ENTHD1: variants seen among roughly 807,000 people sequenced by gnomAD.
ENTHD1 encodes the protein ENTH domain-containing protein 1.
In ENTHD1, 23 loss-of-function variants were observed where a neutral mutation model predicts 39.1. The observed-to-expected ratio is 0.59, with a 90% CI of 0.42 to 0.83. The LOEUF (loss-of-function observed/expected upper bound fraction) is 0.83, where lower values mean the gene tolerates loss of function less well. ENTHD1 is among the 40% of genes least tolerant of loss of function. The pLI, the probability that ENTHD1 is intolerant of heterozygous loss-of-function variation, is 0.00. For synonymous variants in ENTHD1, 230 were observed against 258.2 expected (o/e 0.89, Z 1.05); for missense variants, 624 against 705.4 (o/e 0.88, Z 1.31).
chr22:39,773,746 T>C (rs1265079781), intron 5 of ENTHD1, among the ~76,000 whole-genome samples: 1 of 152,184 alleles, frequency 6.6e-6, no homozygotes. Flanking sequence ...AGGAGACCAA[T>C]GAAATAATTC....
At chr22:39,820,354 A>G (rs567904013) in intron 5 of ENTHD1, among the ~76,000 whole-genome samples, 1 of 152,340 alleles carries the variant, frequency 6.6e-6, no homozygotes, top group African/African-American at 2.4e-5. Context: ...GAAAGATACT[A>G]ATGAGAACGT....
intron 5 of ENTHD1, among the ~76,000 whole-genome samples, chr22:39,802,954 C>T (rs900622574): frequency 2.0e-5 from 3 of 152,206 alleles, no homozygotes; most frequent in Non-Finnish European, 4.4e-5. Flanking sequence ...TCCTCGGTCA[C>T]GGTCACTTGG....
chr22:39,796,434 AT>A (rs1209910139), intron 5 of ENTHD1, among the ~76,000 whole-genome samples: 1 of 151,632 alleles, frequency 6.6e-6, no homozygotes, highest in Admixed American at 6.6e-5. Context: ...TAATTTTTAA[AT>A]TTTTTTGTAG....
intron 6 of ENTHD1, among the ~76,000 whole-genome samples, chr22:39,755,802 C>T (rs1415783191): frequency 6.6e-6 from 1 of 152,164 alleles, no homozygotes; most frequent in African/African-American, 2.4e-5. Context: ...CCACTCTACA[C>T]ACTTCGCATT....
At chr22:39,749,748 A>AG (rs2065134143) in intron 6 of ENTHD1, among the ~76,000 whole-genome samples, 1 of 152,230 alleles carries the variant, frequency 6.6e-6, no homozygotes, top group Admixed American at 6.5e-5. Context: ...TGTAACACTG[A>AG]GGGGTCCTGT....
At chr22:39,886,473 T>C (rs1273011930) in intron 2 of ENTHD1, among the ~76,000 whole-genome samples, 3 of 152,192 alleles carry the variant, frequency 2.0e-5, no homozygotes, top group African/African-American at 4.8e-5. Context: ...AAGATGTTAT[T>C]AAGAGAAATT....
At chr22:39,755,366 AAC>A (rs1274914735) in intron 6 of ENTHD1, among the ~76,000 whole-genome samples, 4 of 152,238 alleles carry the variant, frequency 2.6e-5, no homozygotes, top group Admixed American at 2.0e-4. Context: ...GGTCAGAGGG[AAC>A]AACCGTGGTG....
At chr22:39,749,840 T>C (rs2065135297) in intron 6 of ENTHD1, among the ~76,000 whole-genome samples, 1 of 152,236 alleles carries the variant, frequency 6.6e-6, no homozygotes, top group Admixed American at 6.5e-5. Flanking sequence ...GAGCGAAGGG[T>C]TCCAGGGCTG....
intron 5 of ENTHD1, among the ~76,000 whole-genome samples, chr22:39,807,037 G>A (rs2065647345): frequency 6.6e-6 from 1 of 152,116 alleles, no homozygotes; most frequent in Non-Finnish European, 1.5e-5. Flanking sequence ...AATGTGGGAA[G>A]GAGCTTACCT....
intron 5 of ENTHD1, among the ~76,000 whole-genome samples, chr22:39,770,240 TG>T (rs1439392961): frequency 6.6e-6 from 1 of 152,188 alleles, no homozygotes; most frequent in African/African-American, 2.4e-5. Flanking sequence ...GTTAGCTTTT[TG>T]TTAGGTGCTG....
chr22:39,849,672 T>A (rs1297402858), intron 3 of ENTHD1, among the ~76,000 whole-genome samples: 1 of 152,224 alleles, frequency 6.6e-6, no homozygotes, highest in African/African-American at 2.4e-5. Context: ...ATAAATGGTA[T>A]CTTAAAAATT....
intron 4 of ENTHD1, among the ~76,000 whole-genome samples, chr22:39,824,922 T>C (rs1441689653): frequency 1.3e-5 from 2 of 152,214 alleles, no homozygotes; most frequent in African/African-American, 2.4e-5. Flanking sequence ...ATATCAATTT[T>C]AGAACAAGGT....
intron 6 of ENTHD1, among the ~76,000 whole-genome samples, chr22:39,757,243 T>C (rs928129984): frequency 1.3e-5 from 2 of 152,100 alleles, no homozygotes; most frequent in South Asian, 2.1e-4. Flanking sequence ...AATGGTACTG[T>C]TTTAATTTCA....
chr22:39,809,992 G>A (rs1330148095), intron 5 of ENTHD1, among the ~76,000 whole-genome samples: 1 of 152,146 alleles, frequency 6.6e-6, no homozygotes, highest in Non-Finnish European at 1.5e-5. Flanking sequence ...CCTACTAAGT[G>A]AGCTTAATAT....
At chr22:39,790,258 G>A (rs2146599536) in intron 5 of ENTHD1, among the ~76,000 whole-genome samples, 1 of 152,268 alleles carries the variant, frequency 6.6e-6, no homozygotes, top group East Asian at 1.9e-4. Flanking sequence ...ATGGAGCACA[G>A]GGAGAAGCAG....
At chr22:39,799,719 C>T (rs992602558) in intron 5 of ENTHD1, among the ~76,000 whole-genome samples, 6 of 152,270 alleles carry the variant, frequency 3.9e-5, no homozygotes, top group East Asian at 3.9e-4. Flanking sequence ...TCCCTTACTG[C>T]GCATGTGTTA....
intron 6 of ENTHD1, among the ~76,000 whole-genome samples, chr22:39,755,107 G>T (rs568317201): frequency 6.6e-6 from 1 of 152,208 alleles, no homozygotes; most frequent in East Asian, 1.9e-4. Flanking sequence ...CAGCAGACAC[G>T]GTCTCTTCTC....
At chr22:39,758,339 G>T (rs2065201848) in intron 6 of ENTHD1, among the ~76,000 whole-genome samples, 1 of 152,100 alleles carries the variant, frequency 6.6e-6, no homozygotes, top group Non-Finnish European at 1.5e-5. Context: ...TCCTTTCTTT[G>T]TTGCTGATCT....
intron 3 of ENTHD1, among the ~76,000 whole-genome samples, chr22:39,857,758 A>G (rs1400541784): frequency 1.3e-5 from 2 of 152,220 alleles, no homozygotes; most frequent in Non-Finnish European, 2.9e-5. Context: ...TATAAAAGTT[A>G]TGTTTACATT....
Sources: gnomAD v4.1 joint callset for allele counts (sites outside exome capture counted in the v4.1 genomes callset) on GRCh38, gnomAD v4.1.1 for gene constraint, MANE v1.5 for transcripts, NCBI Gene and HGNC (gene_info 2026-07-23, HGNC 2026-07-21) for gene names.